Variants in MTMR9 observed in about 807,000 individuals in gnomAD.
MTMR9 encodes the protein myotubularin-related protein 9.
Under a neutral mutation model 69.5 loss-of-function variants are expected in MTMR9, and 39 were observed. That is an observed-to-expected ratio of 0.56 (90% confidence interval 0.43 to 0.73). MTMR9 has a LOEUF of 0.73. Ranked by LOEUF, MTMR9 falls within the 30% of genes least tolerant of loss-of-function variation. The probability of loss-of-function intolerance (pLI) is 0.00; values close to 1 mark genes in which losing one functional copy is unlikely to be tolerated. For missense variants in MTMR9, 900 were observed against 671.2 expected (o/e 1.34, Z -3.77); for synonymous variants, 354 against 240.8 (o/e 1.47, Z -4.35).
intron 2 of MTMR9, chr8:11,297,881 T>C: frequency 2.2e-6 from 1 of 456,344 alleles, no homozygotes; most frequent in Non-Finnish European, 4.4e-6. Context: ...ACCTGTCCTC[T>C]ATCCTTTTCC....
rs1346879833 is a variant in MTMR9 at position 11,306,360 on chromosome 8, A to C, written c.762A>C (p.Gln254His). Reference protein sequence around the residue: ...QTRAKGGGFEQEAHYPQWRRI... With the variant: ...QTRAKGGGFEHEAHYPQWRRI... ...GAGCCAAAGGAGGTGGCTTTGAACAAGAAGCTCATTATCCTCAGTGGAGGC... is the reference window on the plus strand; with the variant it reads ...GAGCCAAAGGAGGTGGCTTTGAACACGAAGCTCATTATCCTCAGTGGAGGC... Residue 254 changes from glutamine (Q) to histidine (H), a missense_variant, in exon 5 of 10, where the codon CAA becomes CAC. Transcript: ENST00000221086. 1 of 1,614,090 alleles carries C rather than the reference A, an allele frequency of 6.2e-7. No individual in the cohort carries two copies. Among genetic ancestry groups the C allele is most frequent in the Non-Finnish European group, 8.5e-7 (1 of 1,179,956 alleles).
At chr8:11,316,929 C>T in intron 8 of MTMR9, 36 bp downstream of exon 8, 1 of 1,438,154 alleles carries the variant, frequency 7.0e-7, no homozygotes, top group Non-Finnish European at 9.3e-7. Flanking sequence ...CTTTCCTTTT[C>T]CGTTGTTTTG....
intron 3 of MTMR9, chr8:11,300,505 G>C (rs1445594305): frequency 6.5e-6 from 1 of 153,816 alleles, no homozygotes; most frequent in African/African-American, 2.4e-5. Context: ...GCAGTGTTTA[G>C]AGATAAACTT....
intron 6 of MTMR9, among the ~76,000 whole-genome samples, chr8:11,311,986 C>A (rs1413971505): frequency 6.6e-6 from 1 of 151,966 alleles, no homozygotes; most frequent in Non-Finnish European, 1.5e-5. Context: ...GAAGCAACTC[C>A]TTATTTCTTC....
the MTMR9 span, among the ~76,000 whole-genome samples, chr8:11,336,999 T>TTTTCAAAGAAAAAATGGTAA: frequency 6.6e-6 from 1 of 152,148 alleles, no homozygotes; most frequent in Admixed American, 6.5e-5. Context: ...CAGAAGCTGT[T>TTTTCAAAGAAAAAATGGTAA]TTTCAAAGAA....
intron 1 of MTMR9, among the ~76,000 whole-genome samples, chr8:11,290,821 T>C (rs1799355931): frequency 6.6e-6 from 1 of 151,944 alleles, no homozygotes; most frequent in East Asian, 1.9e-4. Flanking sequence ...TGTGGCTTTG[T>C]GATGTGTCCA....
At position 11,328,053 on chromosome 8, in the gene MTMR9, C is replaced by T. The variant is rs536069623; in HGVS notation, c.*5265C>T. The T allele has an allele frequency of 6.6e-6, 1 of 152,152 alleles. No individual in the cohort carries two copies. The highest frequency in any genetic ancestry group is 6.5e-5 in the Admixed American group (1 of 15,270). The allele number at this position is 152,152 out of a possible 1,614,324, so 9.4% of individuals were successfully genotyped here. A position where few individuals can be genotyped will look rare whatever the true frequency, so the allele number is the denominator to read the frequency against. On this transcript the variant is annotated 3_prime_UTR_variant, in exon 10 of 10. Transcript: ENST00000221086. Reference sequence around the variant, plus strand: ...TGTAATATTTGCGTATGGTGTTCCTCTGCCTCAGAGGACAGTTGCACAGAT... The same window carrying T: ...TGTAATATTTGCGTATGGTGTTCCTTTGCCTCAGAGGACAGTTGCACAGAT...
intron 2 of MTMR9, chr8:11,297,898 A>G (rs1388000782): frequency 1.1e-5 from 5 of 456,314 alleles, no homozygotes; most frequent in South Asian, 7.7e-5. Flanking sequence ...TTCCTGGCAC[A>G]GAATCCCTCC....
intron 2 of MTMR9, 44 bp from the exon 3 acceptor site, chr8:11,299,979 T>C: frequency 2.5e-6 from 4 of 1,594,210 alleles, no homozygotes; most frequent in East Asian, 2.3e-5. Flanking sequence ...ATGTTTCCAG[T>C]TGTGGATGTT....
At chr8:11,286,063 C>A (rs1262670215) in intron 1 of MTMR9, among the ~76,000 whole-genome samples, 3 of 143,894 alleles carry the variant, frequency 2.1e-5, no homozygotes, top group South Asian at 2.2e-4. Flanking sequence ...AGCGATTCTT[C>A]TGTCTCAGCC....
rs745557711 is a variant in MTMR9, at chr8:11,327,293, T to C, written c.*4505T>C. On this transcript the variant is annotated 3_prime_UTR_variant, in exon 10 of 10. Coordinates refer to ENST00000221086, the MANE Select transcript of MTMR9 (RefSeq NM_015458.4). ...AATTTGTGCCCAATTTAGTGGAAGATAATGAGGCTCACTGTAAACACTACA... is the reference window on the plus strand; with the variant it reads ...AATTTGTGCCCAATTTAGTGGAAGACAATGAGGCTCACTGTAAACACTACA... 1 of 152,260 alleles carries C rather than the reference T, an allele frequency of 6.6e-6. No individual in the cohort carries two copies. Among genetic ancestry groups the C allele is most frequent in the Non-Finnish European group, 1.5e-5 (1 of 68,050 alleles). 9.4% of individuals were successfully genotyped at this position (152,260 alleles called of 1,614,324 possible).
intron 1 of MTMR9, among the ~76,000 whole-genome samples, chr8:11,285,948 C>CTTTTTTTTT (rs755153057): frequency 1.1e-3 from 123 of 107,068 alleles, no homozygotes; most frequent in East Asian, 1.4e-3. Context: ...TTCTTTCTTT[C>CTTTTTTTTT]TTTTTTTTTT....
At position 11,284,869 on chromosome 8, in the gene MTMR9, G is replaced by T. The variant is rs1799084017; in HGVS notation, c.-20G>T. The T allele has an allele frequency of 6.5e-7, 1 of 1,527,124 alleles. No homozygotes were observed. The highest frequency in any genetic ancestry group is 8.7e-7 in the Non-Finnish European group (1 of 1,147,360). The allele number at this position is 1,527,124 out of a possible 1,614,324, so 94.6% of individuals were successfully genotyped here. A position where few individuals can be genotyped will look rare whatever the true frequency, so the allele number is the denominator to read the frequency against. ...TCGCACCTACCGGGCTCGGTTCCCT[G>T]GCTCCGGCCGCGGGGGAGCATGGAG... On this transcript the variant is annotated 5_prime_UTR_variant, in exon 1 of 10. Coordinates refer to ENST00000221086, the MANE Select transcript of MTMR9 (RefSeq NM_015458.4).
chr8:11,313,794 A>ACTGATCACAG (rs1381720586), intron 6 of MTMR9, among the ~76,000 whole-genome samples: 1 of 152,264 alleles, frequency 6.6e-6, no homozygotes, highest in Non-Finnish European at 1.5e-5. Context: ...ATCAAAGATC[A>ACTGATCACAG]CTGATCACAG....
chr8:11,287,761 TTATTTATTATA>T (rs1307775793), intron 1 of MTMR9, among the ~76,000 whole-genome samples: 5 of 127,794 alleles, frequency 3.9e-5, no homozygotes, highest in East Asian at 4.0e-4. Flanking sequence ...TATTTATTAT[TTATTTATTATA>T]TATTTATTAT....
chr8:11,315,008 C>G lies in MTMR9; in HGVS notation c.1057C>G (p.Pro353Ala), dbSNP rs747313233. ...CTCCTTGGCCCAGATCATCTTAGAGCCAAGAAGCAGGACCATTCGTGGTTT... is the reference window on the plus strand; with the variant it reads ...CTCCTTGGCCCAGATCATCTTAGAGGCAAGAAGCAGGACCATTCGTGGTTT... ...VTSLAQIILE[P>A]RSRTIRGFEA... Residue 353 changes from proline to alanine, a missense_variant, in exon 7 of 10, where the codon CCA becomes GCA. Physicochemically the swap from Pro to Ala is conservative, Grantham distance 27. Transcript: ENST00000221086. 6.2e-7 allele frequency: 1 copy of G among 1,613,956 alleles called. No individual in the cohort carries two copies. Among genetic ancestry groups the G allele is most frequent in the Non-Finnish European group, 8.5e-7 (1 of 1,179,914 alleles).
At chr8:11,332,724 C>A (rs1423069200), downstream of MTMR9, among the ~76,000 whole-genome samples, 3 of 152,100 alleles carry the variant, frequency 2.0e-5, no homozygotes, top group Non-Finnish European at 4.4e-5. Context: ...ACATCAGCCT[C>A]CCAAGTAGCT....
chr8:11,298,178 T>G (rs1254679419), intron 2 of MTMR9, among the ~76,000 whole-genome samples: 1 of 152,176 alleles, frequency 6.6e-6, no homozygotes, highest in African/African-American at 2.4e-5. Context: ...TTAATGTGTT[T>G]AAAGGAAAAG....
At chr8:11,319,528 T>C (rs1030949913) in intron 8 of MTMR9, 159 bp from the exon 9 acceptor site, 10 of 717,172 alleles carry the variant, frequency 1.4e-5, no homozygotes, top group African/African-American at 1.1e-4. Flanking sequence ...GATTGAGCTT[T>C]TTGACAAATC....
Sources: allele counts gnomAD v4.1 joint callset (sites outside exome capture counted in the v4.1 genomes callset), GRCh38; gene constraint gnomAD v4.1.1; transcripts MANE v1.5; gene names NCBI Gene and HGNC (gene_info 2026-07-23, HGNC 2026-07-21).